The following CA1 variants were observed in gnomAD, a reference collection of about 807,000 sequenced individuals.
CA1 encodes carbonic anhydrase 1.
A neutral mutation model predicts 28.8 loss-of-function variants in CA1; 27 were observed. The observed-to-expected ratio is 0.94, with a 90% CI of 0.69 to 1.29. CA1 has a LOEUF of 1.29. Ranked by LOEUF, CA1 falls within the 50% of genes most tolerant of loss-of-function variation. The pLI, the probability that CA1 is intolerant of heterozygous loss-of-function variation, is 0.00. For missense variants in CA1, 335 were observed against 310.5 expected, an observed-to-expected ratio of 1.08 and a Z score of -0.59; for synonymous variants, 121 against 108.8, an observed-to-expected ratio of 1.11 and a Z score of -0.70.
intron 1 of CA1, among the ~76,000 whole-genome samples, chr8:85,358,846 C>T (rs1318522254): frequency 6.6e-6 from 1 of 152,208 alleles, no homozygotes; most frequent in African/African-American, 2.4e-5. Flanking sequence ...GCTGGCATTC[C>T]AGCTGTCCCA....
chr8:85,373,468 G>C (rs1194671063), intron 1 of CA1: 1 of 152,114 alleles, frequency 6.6e-6, no homozygotes, highest in Non-Finnish European at 1.5e-5. Flanking sequence ...TGACAAGAAA[G>C]GTGAGTACAG....
At chr8:85,357,554 G>A (rs1809648389) in intron 1 of CA1, among the ~76,000 whole-genome samples, 1 of 152,158 alleles carries the variant, frequency 6.6e-6, no homozygotes. Context: ...GGTATCTAAT[G>A]AAATAGAATA....
chr8:85,338,013 C>G (rs1808732381), intron 3 of CA1: 1 of 650,708 alleles, frequency 1.5e-6, no homozygotes, highest in Non-Finnish European at 2.8e-6. Flanking sequence ...ACTGGAATGA[C>G]GAGAAGAGAC....
At chr8:85,349,369 T>C (rs1341870784) in intron 1 of CA1, among the ~76,000 whole-genome samples, 1 of 152,220 alleles carries the variant, frequency 6.6e-6, no homozygotes. Context: ...AAAAGTGGAA[T>C]GTCAAGTCTT....
At chr8:85,347,192 G>C (rs896839067) in intron 1 of CA1, among the ~76,000 whole-genome samples, 1 of 152,140 alleles carries the variant, frequency 6.6e-6, no homozygotes. Flanking sequence ...GTAATGACAT[G>C]TCTTTTCTTA....
chr8:85,360,189 T>A (rs1809741081), intron 1 of CA1, among the ~76,000 whole-genome samples: 1 of 152,176 alleles, frequency 6.6e-6, no homozygotes, highest in South Asian at 2.1e-4. Flanking sequence ...TAACCCTAAC[T>A]TGCTTGAAAT....
chr8:85,357,543 TG>T (rs1320404950), intron 1 of CA1, among the ~76,000 whole-genome samples: 1 of 152,036 alleles, frequency 6.6e-6, no homozygotes, highest in Non-Finnish European at 1.5e-5. Flanking sequence ...TCATGAGAGG[TG>T]GTATCTAATG....
chr8:85,370,830 C>G (rs1479432064), intron 1 of CA1, among the ~76,000 whole-genome samples: 1 of 152,082 alleles, frequency 6.6e-6, no homozygotes. Flanking sequence ...TTCTTCTTAT[C>G]AGATTAAGAC....
At chr8:85,350,675 G>C (rs1351972813) in intron 1 of CA1, among the ~76,000 whole-genome samples, 1 of 152,118 alleles carries the variant, frequency 6.6e-6, no homozygotes, top group Non-Finnish European at 1.5e-5. Flanking sequence ...AGTCTGGTGA[G>C]AAAGAACTCC....
At chr8:85,328,857 CT>C (rs1210943105) in intron 7 of CA1, among the ~76,000 whole-genome samples, 181 bp from the exon 8 acceptor site, 1 of 151,830 alleles carries the variant, frequency 6.6e-6, no homozygotes, top group Non-Finnish European at 1.5e-5. Context: ...AGGCATTTTG[CT>C]TTAATTATTG....
At chr8:85,356,893 T>C (rs1163706119) in intron 1 of CA1, among the ~76,000 whole-genome samples, 1 of 152,190 alleles carries the variant, frequency 6.6e-6, no homozygotes, top group African/African-American at 2.4e-5. Context: ...TCTAAAACCA[T>C]TGACAAACAT....
In CA1 at chr8:85,369,616, G is replaced by A. The variant is rs147025593; in HGVS notation, c.-25+8430C>T. ...AGATGTTTAGCCAGAGCAGCTTCCC[G>A]TGGTCCTTTGCATCATAATAGCTAG... On this transcript the variant is annotated intron_variant, in intron 1 of 7. Transcript: ENST00000523022. 2.0e-4 allele frequency among the ~76,000 whole-genome samples: 31 copies of A among 152,256 alleles called. No individual in the cohort carries two copies. In the South Asian group the frequency reaches 2.3e-3, roughly 11 times the overall value.
At chr8:85,373,048 A>G (rs1810287310) in intron 1 of CA1, among the ~76,000 whole-genome samples, 1 of 152,234 alleles carries the variant, frequency 6.6e-6, no homozygotes, top group African/African-American at 2.4e-5. Context: ...TAAGGAGAGG[A>G]AAAAAGTCAT....
Position 85,333,587 on chromosome 8 carries a change from A to G in CA1, c.388T>C (p.Ser130Pro). 6.2e-7 allele frequency: 1 copy of G among 1,612,572 alleles called. No individual in the cohort carries two copies. Among genetic ancestry groups the G allele is most frequent in the Non-Finnish European group, 8.5e-7 (1 of 1,178,886 alleles). ...TTTGAGGCAGCTTCAGCAAGGCTGG[A>G]GTACTTTGCAGAATTCCAGTGAGCT... is the stretch of plus-strand genomic sequence containing the variant. ...HVAHWNSAKYSSLAEAASKAD... is the reference protein window; with the variant it reads ...HVAHWNSAKYPSLAEAASKAD... Residue 130 changes from serine (S) to proline (P), a missense_variant, in exon 5 of 8, where the codon TCC (serine) becomes CCC (proline). Coordinates refer to ENST00000523022, the MANE Select transcript of CA1 (RefSeq NM_001128831.4).
At chr8:85,339,720 A>G (rs1423712424) in intron 2 of CA1, among the ~76,000 whole-genome samples, 1 of 152,228 alleles carries the variant, frequency 6.6e-6, no homozygotes, top group Non-Finnish European at 1.5e-5. Flanking sequence ...GGAGAAAATT[A>G]AAGGTGCTAC....
chr8:85,342,870 T>A (rs1170389459), intron 1 of CA1: 1 of 152,208 alleles, frequency 6.6e-6, no homozygotes, highest in African/African-American at 2.4e-5. Context: ...TAAGGCTGAC[T>A]GGAGACACGT....
chr8:85,358,229 C>T (rs1564040794), intron 1 of CA1, among the ~76,000 whole-genome samples: 1 of 152,098 alleles, frequency 6.6e-6, no homozygotes, highest in African/African-American at 2.4e-5. Flanking sequence ...GAACACTCCT[C>T]CTCTGTGACA....
intron 1 of CA1, among the ~76,000 whole-genome samples, chr8:85,352,506 A>C (rs754394847): frequency 8.6e-5 from 13 of 151,940 alleles, no homozygotes; most frequent in Non-Finnish European, 1.8e-4. Flanking sequence ...ATCTGGAGCA[A>C]CTCAGCTCTC....
intron 1 of CA1, among the ~76,000 whole-genome samples, chr8:85,361,010 T>C (rs1291169485): frequency 6.6e-6 from 1 of 152,162 alleles, no homozygotes; most frequent in Non-Finnish European, 1.5e-5. Flanking sequence ...AACTGATCCC[T>C]TCAGGAAATG....
Sources: allele counts gnomAD v4.1 joint callset (sites outside exome capture counted in the v4.1 genomes callset), GRCh38; gene constraint gnomAD v4.1.1; transcripts MANE v1.5; gene names NCBI Gene and HGNC (gene_info 2026-07-23, HGNC 2026-07-21).